KLRG2: variants seen among roughly 807,000 people sequenced by gnomAD.
KLRG2 encodes killer cell lectin-like receptor subfamily G member 2.
In KLRG2, 39 loss-of-function variants were observed where a neutral mutation model predicts 35.4. That is an observed-to-expected ratio of 1.10 (90% CI 0.85 to 1.44). KLRG2 has a LOEUF of 1.44. Ranked by LOEUF, KLRG2 falls within the 40% of genes most tolerant of loss-of-function variation. KLRG2 has a pLI of 0.00. For synonymous variants in KLRG2, 283 were observed against 265.8 expected (o/e 1.06, Z -0.63); for missense variants, 632 against 570.9 (o/e 1.11, Z -1.09).
chr7:139,432,716 C>T, the KLRG2 span, among the ~76,000 whole-genome samples: 103 of 152,218 alleles, frequency 6.8e-4, no homozygotes, highest in Admixed American at 6.7e-3. Flanking sequence ...TTGCACATAA[C>T]CTATGCATAT....
the KLRG2 span, among the ~76,000 whole-genome samples, chr7:139,437,909 G>A: frequency 2.6e-5 from 4 of 152,168 alleles, no homozygotes; most frequent in African/African-American, 9.7e-5. Context: ...ATCTACTTCA[G>A]GACTGGCTGG....
the KLRG2 span, among the ~76,000 whole-genome samples, chr7:139,430,816 C>T: frequency 1.3e-5 from 2 of 152,082 alleles, no homozygotes; most frequent in Non-Finnish European, 2.9e-5. Context: ...CGAAACCAGC[C>T]TGGCCAACAT....
At position 139,483,293 on chromosome 7, in the gene KLRG2, C is replaced by T; in HGVS notation, c.350G>A (p.Ser117Asn). ...GEAPGAEPAP[S>N]AWAPMELQVD... is the part of the protein sequence containing the mutation. ...CTGCAGCTCCATGGGCGCCCAGGCGCTGGGCGCAGGCTCAGCCCCGGGCGC... is the reference window on the plus strand; with the variant it reads ...CTGCAGCTCCATGGGCGCCCAGGCGTTGGGCGCAGGCTCAGCCCCGGGCGC... Residue 117 changes from serine (S) to asparagine (N), a missense_variant, in exon 1 of 5, where the codon AGC becomes AAC. Coordinates refer to ENST00000340940, the MANE Select transcript of KLRG2 (RefSeq NM_198508.4). 1 of 1,558,018 alleles carries T rather than the reference C, an allele frequency of 6.4e-7. No individual in the cohort carries two copies. Among genetic ancestry groups the T allele is most frequent in the Non-Finnish European group, 8.6e-7 (1 of 1,163,612 alleles).
chr7:139,458,281 G>A (rs1267553040), intron 3 of KLRG2, among the ~76,000 whole-genome samples: 6 of 152,008 alleles, frequency 3.9e-5, no homozygotes, highest in Admixed American at 3.3e-4. Context: ...AGGAGGCTGA[G>A]GCCGAAGGAT....
At chr7:139,436,338 A>AC in the KLRG2 span, among the ~76,000 whole-genome samples, 7,735 of 148,404 alleles carry the variant, frequency 0.052, 439 homozygotes, top group African/African-American at 0.13. Context: ...TGTCTAGGGA[A>AC]CCCCCCCCTT....
At position 139,453,485 on chromosome 7, in the gene KLRG2, G is replaced by A; in HGVS notation, c.*102C>T. The A allele has an allele frequency of 1.6e-6, 2 of 1,288,860 alleles. No individual in the cohort carries two copies. Among genetic ancestry groups the A allele is most frequent in the Middle Eastern group, 2.5e-4 (1 of 4,044 alleles). The allele number at this position is 1,288,860 out of a possible 1,614,324, so 79.8% of individuals were successfully genotyped here. A position where few individuals can be genotyped will look rare whatever the true frequency, so the allele number is the denominator to read the frequency against. Reference sequence around the variant, plus strand: ...CCCCTTGAGCAGAGCATGAAGACCTGGATAACTGGGTCCAGGAAGAGGCTG... The same window carrying A: ...CCCCTTGAGCAGAGCATGAAGACCTAGATAACTGGGTCCAGGAAGAGGCTG... On this transcript the variant is annotated 3_prime_UTR_variant, in exon 5 of 5. Coordinates refer to ENST00000340940, the MANE Select transcript of KLRG2 (RefSeq NM_198508.4).
At chr7:139,476,455 T>C (rs77856801) in intron 3 of KLRG2, among the ~76,000 whole-genome samples, 2 of 151,534 alleles carry the variant, frequency 1.3e-5, no homozygotes, top group South Asian at 2.1e-4. Context: ...TTTTTTTTTT[T>C]CCTTGAGACA....
At chr7:139,437,192 C>T in the KLRG2 span, among the ~76,000 whole-genome samples, 1 of 151,948 alleles carries the variant, frequency 6.6e-6, no homozygotes, top group Non-Finnish European at 1.5e-5. Context: ...TTTGGGAGGC[C>T]GAGGCAGGTG....
chr7:139,439,364 G>C, the KLRG2 span, among the ~76,000 whole-genome samples: 1 of 152,206 alleles, frequency 6.6e-6, no homozygotes, highest in African/African-American at 2.4e-5. Flanking sequence ...GTGGATGTGG[G>C]GTCATGGGGA....
At chr7:139,434,084 G>C in the KLRG2 span, among the ~76,000 whole-genome samples, 2 of 152,220 alleles carry the variant, frequency 1.3e-5, no homozygotes, top group African/African-American at 4.8e-5. Context: ...GATGTTTGCT[G>C]TGAGGAGCTT....
At chr7:139,454,819 AAATAATAATAATAATAATAATAATAAT>A (rs34409730) in intron 3 of KLRG2, among the ~76,000 whole-genome samples, 3 of 140,528 alleles carry the variant, frequency 2.1e-5, no homozygotes, top group Non-Finnish European at 4.6e-5. Context: ...TTCTATCTCA[AAATAATAATAATAATAATAATAATAAT>A]AATAATAATA....
At chr7:139,478,658 A>T (rs899524583) in intron 3 of KLRG2, among the ~76,000 whole-genome samples, 2 of 152,214 alleles carry the variant, frequency 1.3e-5, no homozygotes, top group Non-Finnish European at 2.9e-5. Context: ...CAACAGAGTG[A>T]GACACAACAC....
intron 3 of KLRG2, among the ~76,000 whole-genome samples, chr7:139,455,088 G>T (rs1796446784): frequency 1.3e-5 from 2 of 150,144 alleles, no homozygotes; most frequent in South Asian, 4.2e-4. Context: ...GCACGATCCT[G>T]GCTCACTGCA....
At chr7:139,433,706 C>T in the KLRG2 span, among the ~76,000 whole-genome samples, 1 of 150,574 alleles carries the variant, frequency 6.6e-6, no homozygotes, top group Non-Finnish European at 1.5e-5. Context: ...GCCTCACTGC[C>T]GAGAATGCAA....
intron 3 of KLRG2, among the ~76,000 whole-genome samples, chr7:139,475,515 C>T (rs776769964): frequency 3.4e-5 from 5 of 145,502 alleles, no homozygotes; most frequent in African/African-American, 5.3e-5. Flanking sequence ...TGGGTGACAG[C>T]GCAAGACTCT....
chr7:139,429,412 G>T, the KLRG2 span, among the ~76,000 whole-genome samples: 2 of 151,136 alleles, frequency 1.3e-5, no homozygotes, highest in Non-Finnish European at 2.9e-5. Context: ...TCATTCTTGG[G>T]TGTTTCTCGC....
the KLRG2 span, among the ~76,000 whole-genome samples, chr7:139,441,612 T>TA: frequency 1.2e-3 from 175 of 145,140 alleles, no homozygotes; most frequent in Middle Eastern, 0.014. Context: ...ACTTAAAGTA[T>TA]AAAAAAAAAA....
chr7:139,441,567 TAACA>T, the KLRG2 span, among the ~76,000 whole-genome samples: 1 of 152,056 alleles, frequency 6.6e-6, no homozygotes, highest in African/African-American at 2.4e-5. Flanking sequence ...TAAACCTATG[TAACA>T]AACCTGCACA....
At chr7:139,475,530 C>CA (rs532874176) in intron 3 of KLRG2, among the ~76,000 whole-genome samples, 48,541 of 136,700 alleles carry the variant, frequency 0.36, 9,490 homozygotes, top group African/African-American at 0.54. Context: ...GACTCTATCT[C>CA]AAAAAAAAAA....
Sources: allele counts gnomAD v4.1 joint callset (sites outside exome capture counted in the v4.1 genomes callset), GRCh38; gene constraint gnomAD v4.1.1; transcripts MANE v1.5; gene names NCBI Gene and HGNC (gene_info 2026-07-23, HGNC 2026-07-21).